POLG: variants seen among roughly 807,000 people sequenced by gnomAD.
POLG encodes the protein DNA polymerase gamma, catalytic subunit, also known as DNA polymerase subunit gamma-1.
In POLG, 110 loss-of-function variants were observed where a neutral mutation model predicts 155.4. The observed-to-expected ratio is 0.71, with a 90% CI of 0.61 to 0.83. The LOEUF is 0.83. Among genes scored for constraint, POLG ranks in the 40% least tolerant of loss-of-function variants. The probability of loss-of-function intolerance (pLI) is 0.00; values close to 1 mark genes in which losing one functional copy is unlikely to be tolerated. For synonymous variants in POLG, 701 were observed against 631.5 expected (o/e 1.11, Z -1.65); for missense variants, 1,685 against 1,627.5 (o/e 1.04, Z -0.61).
chr15:89,320,528 G>C (rs1378487315), intron 18 of POLG, among the ~76,000 whole-genome samples: 1 of 152,220 alleles, frequency 6.6e-6, no homozygotes, highest in Non-Finnish European at 1.5e-5. Context: ...CTTGGTAACA[G>C]TATACCAAAA....
chr15:89,328,640 G>A, intron 5 of POLG, 45 bp downstream of exon 5: 2 of 1,612,842 alleles, frequency 1.2e-6, no homozygotes, highest in Non-Finnish European at 1.7e-6. Flanking sequence ...TGCAGCTAGG[G>A]GTGTGCCACA....
At position 89,323,839 on chromosome 15, in the gene POLG, T is replaced by G; in HGVS notation, c.2133A>C (p.Ala711=). 3 of 1,614,060 alleles carry G rather than the reference T, an allele frequency of 1.9e-6. No individual in the cohort carries two copies. The highest frequency in any genetic ancestry group is 2.5e-6 in the Non-Finnish European group (3 of 1,179,902). ...CCAGAGCTAGGGGTTGACCTGGCAC[T>G]GCAGCTCGCAAGTTCTCCATCTTGG... ...AEAKMENLRA[A]VPGQPLALTA... Residue 711 remains alanine, a synonymous_variant, in exon 12 of 23, where the codon GCA becomes GCC. Coordinates refer to ENST00000268124, the MANE Select transcript of POLG (RefSeq NM_002693.3).
rs2307453 is a variant in POLG, at chr15:89,327,116, G to A, written c.1433+51C>T. The A allele has an allele frequency of 3.5e-3, 5,585 of 1,612,366 alleles. 144 individuals are homozygous for A. In the African/African-American group the frequency reaches 0.065, roughly 19 times the overall value. On this transcript the variant is annotated intron_variant, in intron 7 of 22. Coordinates refer to ENST00000268124, the MANE Select transcript of POLG (RefSeq NM_002693.3). Reference sequence around the variant, plus strand: ...CTAAGGCTAAGCCGAAGGCTAGGCCGCCCACCTGCCAGTCCCCTGCCTAGA... The same window carrying A: ...CTAAGGCTAAGCCGAAGGCTAGGCCACCCACCTGCCAGTCCCCTGCCTAGA...
At chr15:89,319,150 T>TA (rs1258025135) in intron 19 of POLG, 51 bp from the exon 20 acceptor site, 7 of 1,613,926 alleles carry the variant, frequency 4.3e-6, no homozygotes, top group African/African-American at 1.3e-5. Context: ...ATCTCAAAGC[T>TA]AAAAAACAAA....
Position 89,333,193 on chromosome 15 carries a change from C to T in POLG, c.562G>A (p.Ala188Thr), listed in dbSNP as rs2055617996. The T allele has an allele frequency of 6.4e-7, 1 of 1,571,036 alleles. No individual in the cohort carries two copies. Among genetic ancestry groups the T allele is most frequent in the Non-Finnish European group, 8.7e-7 (1 of 1,155,350 alleles). ...YGPEGEAVPV[A>T]IPEERALVFD... ...ACCAGGGCCCGCTCCTCGGGGATGG[C>T]CACGGGTACGGCCTCCCCCTCGGGG... Residue 188 changes from alanine to threonine, a missense_variant, in exon 2 of 23, where the codon GCC (alanine) becomes ACC (threonine). This residue lies in a region of POLG where 1,210 missense variants were observed against 1,167.1 expected (regional missense o/e 1.04). Transcript: ENST00000268124.
chr15:89,324,593 G>A lies in POLG; in HGVS notation c.1950-366C>T, dbSNP rs545103981. The stretch of plus-strand genomic sequence containing the variant: ...CCTCGGGCTCAAAGGAGCAAGGCCA[G>A]TGTTATCCCCTTTGGTCCCATGGCC... On this transcript the variant is annotated intron_variant, in intron 10 of 22. Coordinates refer to ENST00000268124, the MANE Select transcript of POLG (RefSeq NM_002693.3). Among the ~76,000 whole-genome samples the A allele has an allele frequency of 2.2e-4, 33 of 152,356 alleles. No homozygotes were observed. The South Asian group carries it at 6.6e-3, about 31-fold the overall frequency.
At chr15:89,325,115 T>TGAGTGAGAGAGTGAGTGAGAGA (rs2055471519) in intron 10 of POLG, among the ~76,000 whole-genome samples, 1 of 29,260 alleles carries the variant, frequency 3.4e-5, no homozygotes, top group African/African-American at 2.6e-4. Flanking sequence ...TGAGAGAGAG[T>TGAGTGAGAGAGTGAGTGAGAGA]GAGTGAGTGA....
At chr15:89,318,875 C>T (rs2055349368) in intron 20 of POLG, 56 bp downstream of exon 20, 1 of 1,589,052 alleles carries the variant, frequency 6.3e-7, no homozygotes, top group East Asian at 2.2e-5. Flanking sequence ...CCACAGGGAG[C>T]TCTGCCCTGC....
chr15:89,333,936 A>G, intron 1 of POLG, 23 bp from the exon 2 acceptor site: 4 of 670,202 alleles, frequency 6.0e-6, no homozygotes, highest in Non-Finnish European at 1.0e-5. Context: ...GATGATATAA[A>G]GCGTTATTTT....
At chr15:89,323,368 GA>G in intron 13 of POLG, 35 bp downstream of exon 13, 1 of 1,374,924 alleles carries the variant, frequency 7.3e-7, no homozygotes, top group African/African-American at 1.4e-5. Context: ...GCAGAATGAG[GA>G]AACACCACAG....
chr15:89,329,338 T>A (rs1226755708), intron 3 of POLG, among the ~76,000 whole-genome samples: 5 of 152,244 alleles, frequency 3.3e-5, no homozygotes, highest in Non-Finnish European at 7.3e-5. Context: ...CCCTTTAAGA[T>A]GCAGGCCTGG....
chr15:89,328,398 G>A (rs2055550629), intron 6 of POLG, 58 bp downstream of exon 6: 16 of 1,362,408 alleles, frequency 1.2e-5, no homozygotes, highest in Non-Finnish European at 1.7e-5. Context: ...GATTACAGTG[G>A]GCCCGGGTAC....
chr15:89,319,392 C>T lies in POLG; in HGVS notation c.2982-42G>A. 8.1e-6 allele frequency: 13 copies of T among 1,610,374 alleles called. No individual in the cohort carries two copies. In the East Asian group the frequency reaches 8.9e-5, roughly 11 times the overall value. ...CACCATCATTCCACGGGAGTGCTTCCTGTGCCACGCTAGTGCCTTGGCAAG... is the reference window on the plus strand; with the variant it reads ...CACCATCATTCCACGGGAGTGCTTCTTGTGCCACGCTAGTGCCTTGGCAAG... On this transcript the variant is annotated intron_variant, in intron 18 of 22. Transcript: ENST00000268124.
At chr15:89,325,863 C>A (rs949380347) in intron 9 of POLG, among the ~76,000 whole-genome samples, 177 bp from the exon 10 acceptor site, 1 of 152,288 alleles carries the variant, frequency 6.6e-6, no homozygotes, top group Middle Eastern at 3.4e-3. Context: ...CCCATGGAAT[C>A]CTCTAGAAGA....
chr15:89,326,837 G>C (rs56306142), intron 8 of POLG, 75 bp downstream of exon 8: 1 of 1,609,412 alleles, frequency 6.2e-7, no homozygotes, highest in Non-Finnish European at 8.5e-7. Flanking sequence ...CAATCCTTTC[G>C]AAGGACCCCC....
Position 89,316,808 on chromosome 15 carries a change from G to GTAAA in POLG, c.3659_3662dup (p.Gln1222LeufsTer5). ...AGCCTTTGGTGAGTTCAATTATCTG[G>GTAAA]TAAATATCCAGCGCTTCACCTGAAA... On this transcript the variant is annotated frameshift_variant, in exon 23 of 23. Coordinates refer to ENST00000268124, the MANE Select transcript of POLG (RefSeq NM_002693.3). LOFTEE classifies it high-confidence loss of function. 1 of 1,613,666 alleles carries GTAAA rather than the reference G, an allele frequency of 6.2e-7. No homozygotes were observed. Among genetic ancestry groups the GTAAA allele is most frequent in the Non-Finnish European group, 8.5e-7 (1 of 1,179,586 alleles).
rs760305377 is a variant in POLG at position 89,320,863 on chromosome 15, C to G, written c.2884G>C (p.Ala962Pro). Residue 962 changes from alanine (A) to proline (P), a missense_variant, in exon 18 of 23, where the codon GCT (alanine) becomes CCT (proline). This residue lies in a region of POLG where 470 missense variants were observed against 439.9 expected (regional missense o/e 1.07). Transcript: ENST00000268124. ...GRIYGAGQPFAERLLMQFNHR... is the reference protein window; with the variant it reads ...GRIYGAGQPFPERLLMQFNHR... ...TTAAACTGCATTAGTAAGCGCTCAG[C>G]AAAGGGCTGCCCAGCACCATAGATG... 6.2e-7 allele frequency: 1 copy of G among 1,613,874 alleles called. No homozygotes were observed. The highest frequency in any genetic ancestry group is 8.5e-7 in the Non-Finnish European group (1 of 1,180,044).
chr15:89,319,122 C>T (rs375760210), intron 19 of POLG, 23 bp from the exon 20 acceptor site: 3 of 1,614,098 alleles, frequency 1.9e-6, no homozygotes, highest in Non-Finnish European at 2.5e-6. Context: ...AAACAGAGGG[C>T]AGACTTTGTC....
Position 89,321,162 on chromosome 15 carries a change from T to G in POLG, c.2697A>C (p.Ala899=). ...ADVDSQELWI[A]AVLGDAHFAG... Reference sequence around the variant, plus strand: ...CAAAGTGGGCGTCTCCAAGCACAGCTGCAATCCACAGCTCTTGGGAGTCCA... The same window carrying G: ...CAAAGTGGGCGTCTCCAAGCACAGCGGCAATCCACAGCTCTTGGGAGTCCA... Residue 899 remains alanine (A), a synonymous_variant, in exon 17 of 23, where the codon GCA becomes GCC. Coordinates refer to ENST00000268124, the MANE Select transcript of POLG (RefSeq NM_002693.3). The G allele has an allele frequency of 6.2e-7, 1 of 1,614,244 alleles. No homozygotes were observed. The highest frequency in any genetic ancestry group is 2.2e-5 in the East Asian group (1 of 44,880).
Sources: gnomAD v4.1 joint callset for allele counts (sites outside exome capture counted in the v4.1 genomes callset) on GRCh38, gnomAD v4.1.1 for gene constraint, gnomAD v4.1.1 regional missense constraint, MANE v1.5 for transcripts, NCBI Gene and HGNC (gene_info 2026-07-23, HGNC 2026-07-21) for gene names.